Variants in AKAP19 observed in about 807,000 individuals in gnomAD.
AKAP19 encodes the protein A-kinase anchoring protein 19.
At chr2:190,142,148 T>C in the AKAP19 span, among the ~76,000 whole-genome samples, 1 of 152,212 alleles carries the variant, frequency 6.6e-6, no homozygotes, top group Non-Finnish European at 1.5e-5. Context: ...GCCAGCTTCA[T>C]GATCTTACAA....
the AKAP19 span, among the ~76,000 whole-genome samples, chr2:190,039,010 CTCTTCCTCTTCCTCT>C: frequency 2.3e-4 from 25 of 107,760 alleles, no homozygotes; most frequent in African/African-American, 9.7e-4. Flanking sequence ...CTTCTTCTTC[CTCTTCCTCTTCCTCT>C]TCTTCCTCTT....
the AKAP19 span, among the ~76,000 whole-genome samples, chr2:190,038,612 C>A: frequency 2.6e-5 from 4 of 152,178 alleles, no homozygotes; most frequent in Non-Finnish European, 5.9e-5. Flanking sequence ...CAAAAGGGAG[C>A]AAGGACACCT....
chr2:190,125,898 C>A, the AKAP19 span, among the ~76,000 whole-genome samples: 1 of 152,010 alleles, frequency 6.6e-6, no homozygotes, highest in Non-Finnish European at 1.5e-5. Context: ...TATAAAAATG[C>A]ATGGCATGAG....
At chr2:190,172,461 C>T in the AKAP19 span, among the ~76,000 whole-genome samples, 1 of 152,182 alleles carries the variant, frequency 6.6e-6, no homozygotes, top group South Asian at 2.1e-4. Context: ...GTTCTGAATA[C>T]TTTATCACCC....
chr2:190,038,730 G>T, the AKAP19 span, among the ~76,000 whole-genome samples: 2 of 152,120 alleles, frequency 1.3e-5, no homozygotes, highest in African/African-American at 4.8e-5. Flanking sequence ...TTTTCCAGGG[G>T]AAACAAGCCT....
At chr2:190,020,595 C>G in the AKAP19 span, among the ~76,000 whole-genome samples, 1 of 152,108 alleles carries the variant, frequency 6.6e-6, no homozygotes, top group Non-Finnish European at 1.5e-5. Context: ...TTGAGGTTAT[C>G]TATTCTCTTT....
chr2:190,129,281 G>A, the AKAP19 span, among the ~76,000 whole-genome samples: 1 of 151,938 alleles, frequency 6.6e-6, no homozygotes, highest in Non-Finnish European at 1.5e-5. Flanking sequence ...AAGTTATGCT[G>A]GAAGATTTCA....
the AKAP19 span, among the ~76,000 whole-genome samples, chr2:190,135,222 A>G: frequency 1.3e-5 from 2 of 152,154 alleles, no homozygotes; most frequent in Non-Finnish European, 2.9e-5. Context: ...CTACTAGGCC[A>G]GATGCACTGG....
At chr2:190,120,277 T>G in the AKAP19 span, among the ~76,000 whole-genome samples, 9 of 152,178 alleles carry the variant, frequency 5.9e-5, no homozygotes, top group Non-Finnish European at 7.3e-5. Flanking sequence ...TGTAAAAGTT[T>G]CATCCCGAAA....
the AKAP19 span, among the ~76,000 whole-genome samples, chr2:190,181,651 T>C: frequency 6.4e-4 from 97 of 152,318 alleles, no homozygotes; most frequent in Non-Finnish European, 1.2e-3. Flanking sequence ...TTGTCTCTGG[T>C]CTGACACCAG....
the AKAP19 span, among the ~76,000 whole-genome samples, chr2:189,976,826 A>T: frequency 6.6e-6 from 1 of 152,154 alleles, no homozygotes; most frequent in African/African-American, 2.4e-5. Flanking sequence ...ATTGTTGGAA[A>T]AGCGCAGTAT....
At chr2:190,161,224 C>T in the AKAP19 span, among the ~76,000 whole-genome samples, 1 of 152,098 alleles carries the variant, frequency 6.6e-6, no homozygotes, top group African/African-American at 2.4e-5. Flanking sequence ...AAATTCTTGC[C>T]TCCAGAAATT....
chr2:190,087,759 G>T, the AKAP19 span, among the ~76,000 whole-genome samples: 1 of 152,228 alleles, frequency 6.6e-6, no homozygotes, highest in Non-Finnish European at 1.5e-5. Flanking sequence ...GGCATCCTCA[G>T]AGCAGGCTCT....
chr2:190,158,320 C>G, the AKAP19 span, among the ~76,000 whole-genome samples: 2,195 of 152,190 alleles, frequency 0.014, 55 homozygotes, highest in African/African-American at 0.05. Context: ...TGTCCTGCTA[C>G]AAAAGCAGGG....
At chr2:189,997,899 G>A in the AKAP19 span, among the ~76,000 whole-genome samples, 2 of 152,126 alleles carry the variant, frequency 1.3e-5, no homozygotes, top group Admixed American at 6.6e-5. Context: ...TCTGCCAGCT[G>A]CCTTCCCCAA....
the AKAP19 span, among the ~76,000 whole-genome samples, chr2:190,048,032 G>C: frequency 2.6e-5 from 4 of 152,086 alleles, no homozygotes; most frequent in Non-Finnish European, 4.4e-5. Context: ...GGATGAATAT[G>C]GGTAGGGTTG....
At chr2:190,198,918 C>G in the AKAP19 span, among the ~76,000 whole-genome samples, 1 of 152,142 alleles carries the variant, frequency 6.6e-6, no homozygotes. Context: ...AAACATCAAA[C>G]AAGGGTAGGA....
the AKAP19 span, among the ~76,000 whole-genome samples, chr2:190,034,739 G>T: frequency 6.7e-6 from 1 of 150,248 alleles, no homozygotes; most frequent in African/African-American, 2.4e-5. Flanking sequence ...CCAGCTGCTC[G>T]GCTACTCGGG....
At chr2:190,121,750 A>G in the AKAP19 span, among the ~76,000 whole-genome samples, 1 of 152,194 alleles carries the variant, frequency 6.6e-6, no homozygotes, top group Admixed American at 6.5e-5. Context: ...CAGTTCAGCA[A>G]GACTGATTCT....
Sources: gnomAD v4.1 joint callset for allele counts (sites outside exome capture counted in the v4.1 genomes callset) on GRCh38, gnomAD v4.1.1 for gene constraint, MANE v1.5 for transcripts, NCBI Gene and HGNC (gene_info 2026-07-23, HGNC 2026-07-21) for gene names.